The following CACNA2D3 variants were observed in gnomAD, a reference collection of about 807,000 sequenced individuals.
The protein encoded by CACNA2D3 is calcium voltage-gated channel auxiliary subunit alpha2delta 3.
CACNA2D3 carries 60 observed loss-of-function variants against 160.6 expected under a neutral mutation model. That is an observed-to-expected ratio of 0.37 (90% confidence interval 0.30 to 0.46). The LOEUF is 0.46. Ranked by LOEUF, CACNA2D3 falls within the 20% of genes least tolerant of loss-of-function variation. The pLI is 1.00. For missense variants in CACNA2D3, 1,205 were observed against 1,365.0 expected (o/e 0.88, Z 1.85); for synonymous variants, 558 against 492.9 (o/e 1.13, Z -1.75).
intron 11 of CACNA2D3, among the ~76,000 whole-genome samples, chr3:54,672,230 G>A (rs1248104769): frequency 2.0e-5 from 3 of 152,130 alleles, no homozygotes; most frequent in Admixed American, 6.5e-5. Flanking sequence ...TGGACCAAGC[G>A]GTGCTTTTAT....
intron 3 of CACNA2D3, among the ~76,000 whole-genome samples, chr3:54,357,906 G>T (rs1698676827): frequency 6.6e-6 from 1 of 152,206 alleles, no homozygotes; most frequent in Admixed American, 6.5e-5. Flanking sequence ...GTGTCCAGGG[G>T]TAGGGGAGAA....
chr3:54,226,761 A>G (rs1210610595), intron 2 of CACNA2D3, among the ~76,000 whole-genome samples: 1 of 152,186 alleles, frequency 6.6e-6, no homozygotes, highest in Non-Finnish European at 1.5e-5. Flanking sequence ...TGATTTATCC[A>G]GTGCCTCAAA....
intron 35 of CACNA2D3, among the ~76,000 whole-genome samples, chr3:55,038,874 A>C (rs1386121476): frequency 1.8e-5 from 1 of 56,604 alleles, no homozygotes; most frequent in Non-Finnish European, 3.3e-5. Context: ...CTATATATAT[A>C]TATATATATA....
chr3:54,768,066 G>A (rs1437321401), intron 13 of CACNA2D3, among the ~76,000 whole-genome samples: 2 of 152,148 alleles, frequency 1.3e-5, no homozygotes, highest in African/African-American at 4.8e-5. Context: ...TAGGGCAAAG[G>A]TCTGTCAATG....
At chr3:54,605,321 C>G (rs615970) in intron 9 of CACNA2D3, among the ~76,000 whole-genome samples, 1 of 152,154 alleles carries the variant, frequency 6.6e-6, no homozygotes, top group Non-Finnish European at 1.5e-5. Context: ...CTGGTTGAAA[C>G]CCACATGCCT....
chr3:54,188,921 C>T (rs1044773419), intron 2 of CACNA2D3, among the ~76,000 whole-genome samples: 2 of 152,212 alleles, frequency 1.3e-5, no homozygotes, highest in Admixed American at 1.3e-4. Context: ...TCCCCAGCAA[C>T]TCAGGATAAT....
chr3:54,224,237 A>T (rs1407278917), intron 2 of CACNA2D3, among the ~76,000 whole-genome samples: 1 of 151,962 alleles, frequency 6.6e-6, no homozygotes. Flanking sequence ...CTTCTTCTGG[A>T]TACCTCCTGA....
intron 10 of CACNA2D3, among the ~76,000 whole-genome samples, chr3:54,636,178 T>C: frequency 6.6e-6 from 1 of 151,910 alleles, no homozygotes; most frequent in Non-Finnish European, 1.5e-5. Flanking sequence ...TAGTGGCTAG[T>C]ACTATAGCAT....
intron 2 of CACNA2D3, among the ~76,000 whole-genome samples, chr3:54,176,938 T>C (rs1700690907): frequency 6.6e-6 from 1 of 152,156 alleles, no homozygotes; most frequent in Non-Finnish European, 1.5e-5. Flanking sequence ...AGAAGGGCCT[T>C]GGTTTCCAGT....
intron 22 of CACNA2D3, 40 bp downstream of exon 22, chr3:54,885,366 C>T (rs776449843): frequency 8.1e-6 from 13 of 1,610,360 alleles, no homozygotes; most frequent in African/African-American, 1.3e-5. Flanking sequence ...TGGCATCCTT[C>T]ATTGCCCTCT....
At chr3:55,050,907 G>A (rs937566507) in intron 35 of CACNA2D3, among the ~76,000 whole-genome samples, 1 of 135,114 alleles carries the variant, frequency 7.4e-6, no homozygotes, top group African/African-American at 3.0e-5. Context: ...GGCTCCTGAG[G>A]CTTCTGCATT....
chr3:54,809,326 T>TCTTCCCCTCCCTCCCTTCC (rs1559590283), intron 13 of CACNA2D3, among the ~76,000 whole-genome samples: 33 of 120,096 alleles, frequency 2.7e-4, no homozygotes, highest in Middle Eastern at 3.9e-3. Context: ...TTTTTTTTTT[T>TCTTCCCCTCCCTCCCTTCC]TTTGAGACGG....
intron 11 of CACNA2D3, among the ~76,000 whole-genome samples, chr3:54,684,960 A>G (rs1021482331): frequency 6.6e-6 from 1 of 151,994 alleles, no homozygotes; most frequent in Non-Finnish European, 1.5e-5. Context: ...AACTGTGGAA[A>G]CATGTGTTTA....
At chr3:54,465,419 C>T (rs1283140282) in intron 4 of CACNA2D3, among the ~76,000 whole-genome samples, 5 of 152,136 alleles carry the variant, frequency 3.3e-5, no homozygotes. Context: ...TAATCTCTTA[C>T]TGTGCCTAAT....
chr3:54,989,359 C>T (rs3773579), intron 31 of CACNA2D3, among the ~76,000 whole-genome samples: 46 of 152,122 alleles, frequency 3.0e-4, no homozygotes, highest in African/African-American at 1.1e-3. Flanking sequence ...TGGCATGAAT[C>T]TAGAACTTCC....
chr3:54,640,472 C>T (rs369308209), intron 10 of CACNA2D3, among the ~76,000 whole-genome samples: 10 of 152,202 alleles, frequency 6.6e-5, no homozygotes, highest in African/African-American at 1.9e-4. Flanking sequence ...TTTTTCACCC[C>T]GATTCCAGGG....
intron 4 of CACNA2D3, among the ~76,000 whole-genome samples, chr3:54,474,919 G>A (rs920104020): frequency 2.0e-5 from 3 of 152,186 alleles, no homozygotes; most frequent in Non-Finnish European, 4.4e-5. Flanking sequence ...GAATGCCTCT[G>A]TAATCCAGTG....
rs3030044 is a variant in CACNA2D3, at chr3:54,475,809, TTGTG to T, written c.382-27658_382-27655del. On this transcript the variant is annotated intron_variant, in intron 4 of 37. Coordinates refer to ENST00000474759, the MANE Select transcript of CACNA2D3 (RefSeq NM_018398.3). ...ATCCATCTTCTCACATGGTTACCAT[TTGTG>T]TGTGTGTGTGTGTGTGTGTGTGTGA... is the stretch of plus-strand genomic sequence containing the variant. 6.6e-3 allele frequency among the ~76,000 whole-genome samples: 937 copies of T among 142,820 alleles called. 14 individuals are homozygous for T. The highest frequency in any genetic ancestry group is 5.0e-3 in the Non-Finnish European group (329 of 65,872). The allele number at this position is 142,820 out of a possible 152,430, so 93.7% of individuals were successfully genotyped here. A position where few individuals can be genotyped will look rare whatever the true frequency, so the allele number is the denominator to read the frequency against.
chr3:54,616,721 A>C (rs1340604866), intron 9 of CACNA2D3, among the ~76,000 whole-genome samples: 1 of 152,208 alleles, frequency 6.6e-6, no homozygotes, highest in Admixed American at 6.5e-5. Flanking sequence ...TGGCAAAAAA[A>C]CTTTTTTAGA....
Sources: gnomAD v4.1 joint callset for allele counts (sites outside exome capture counted in the v4.1 genomes callset) on GRCh38, gnomAD v4.1.1 for gene constraint, MANE v1.5 for transcripts, NCBI Gene and HGNC (gene_info 2026-07-23, HGNC 2026-07-21) for gene names.